The following PCDHA2 variants were observed in gnomAD, a reference collection of about 807,000 sequenced individuals.
PCDHA2 encodes protocadherin alpha-2.
In PCDHA2, 58 loss-of-function variants were observed where a neutral mutation model predicts 66.0. The observed-to-expected ratio is 0.88, with a 90% CI of 0.71 to 1.09. PCDHA2 has a LOEUF of 1.09. PCDHA2 is among the 50% of genes least tolerant of loss of function. The pLI, the probability that PCDHA2 is intolerant of heterozygous loss-of-function variation, is 0.00. For synonymous variants in PCDHA2, 634 were observed against 554.0 expected (o/e 1.14, Z -2.03); for missense variants, 1,267 against 1,242.3 (o/e 1.02, Z -0.30).
chr5:140,798,221 T>C (rs1320174072), intron 1 of PCDHA2, among the ~76,000 whole-genome samples: 2 of 152,134 alleles, frequency 1.3e-5, no homozygotes, highest in South Asian at 2.1e-4. Flanking sequence ...AACACCAGAA[T>C]TTCCAAAAGT....
intron 1 of PCDHA2, chr5:140,930,358 T>G (rs1253370170): frequency 6.6e-6 from 1 of 152,216 alleles, no homozygotes; most frequent in Non-Finnish European, 1.5e-5. Context: ...AATATTTCAA[T>G]TTATCTGTTA....
chr5:140,819,606 T>C (rs1240041247), intron 1 of PCDHA2, among the ~76,000 whole-genome samples: 1 of 152,112 alleles, frequency 6.6e-6, no homozygotes, highest in Non-Finnish European at 1.5e-5. Flanking sequence ...CTGTGGAGTC[T>C]CCCATGAAAT....
chr5:140,887,222 G>A (rs1406254180), intron 1 of PCDHA2, among the ~76,000 whole-genome samples: 1 of 151,284 alleles, frequency 6.6e-6, no homozygotes, highest in Non-Finnish European at 1.5e-5. Flanking sequence ...TCAGCCTCCC[G>A]AGTAGCTGAG....
At chr5:140,799,618 G>A (rs1022139561) in intron 1 of PCDHA2, among the ~76,000 whole-genome samples, 1 of 151,836 alleles carries the variant, frequency 6.6e-6, no homozygotes, top group Non-Finnish European at 1.5e-5. Context: ...TATCTTGCTT[G>A]AAAAAGTTAA....
intron 1 of PCDHA2, chr5:140,862,442 C>A: frequency 2.8e-6 from 1 of 361,562 alleles, no homozygotes. Flanking sequence ...CGTTGGTACT[C>A]CACAGCGCCC....
chr5:140,830,101 G>A (rs2150181157), intron 1 of PCDHA2: 1 of 1,613,650 alleles, frequency 6.2e-7, no homozygotes, highest in Admixed American at 1.7e-5. Flanking sequence ...TGTCGCTGGT[G>A]GAGAGTGGCC....
chr5:140,933,300 A>G (rs541308392), intron 1 of PCDHA2, among the ~76,000 whole-genome samples: 41 of 152,132 alleles, frequency 2.7e-4, no homozygotes, highest in African/African-American at 9.4e-4. Context: ...ATCTGGAAAT[A>G]AATATGCAAT....
chr5:140,887,950 A>G (rs1397658604), intron 1 of PCDHA2, among the ~76,000 whole-genome samples: 1 of 152,110 alleles, frequency 6.6e-6, no homozygotes, highest in Non-Finnish European at 1.5e-5. Context: ...TATCTGTATA[A>G]GATTCTTTTT....
intron 3 of PCDHA2, among the ~76,000 whole-genome samples, chr5:141,000,842 G>A (rs2097967739): frequency 1.3e-5 from 2 of 151,954 alleles, no homozygotes; most frequent in Non-Finnish European, 2.9e-5. Flanking sequence ...AGGAGATCCA[G>A]TCTGGCAGTC....
intron 1 of PCDHA2, among the ~76,000 whole-genome samples, chr5:140,921,390 T>G (rs2080194479): frequency 6.6e-6 from 1 of 152,164 alleles, no homozygotes; most frequent in Non-Finnish European, 1.5e-5. Context: ...TTGATAAACA[T>G]TCACACTAGA....
intron 1 of PCDHA2, among the ~76,000 whole-genome samples, chr5:140,932,112 T>C (rs1211067626): frequency 6.6e-6 from 1 of 151,944 alleles, no homozygotes; most frequent in African/African-American, 2.4e-5. Flanking sequence ...GTATTTCCAA[T>C]TGATAATATT....
At chr5:140,942,418 A>G (rs1554214971) in intron 1 of PCDHA2, among the ~76,000 whole-genome samples, 2 of 152,146 alleles carry the variant, frequency 1.3e-5, no homozygotes, top group South Asian at 2.1e-4. Flanking sequence ...TTAAAAAAAA[A>G]AAAGATATCT....
At chr5:140,804,919 T>C in intron 1 of PCDHA2, 1 of 976,588 alleles carries the variant, frequency 1.0e-6, no homozygotes, top group Non-Finnish European at 1.4e-6. Context: ...TTATTTCCTT[T>C]TTTGGCACTA....
intron 1 of PCDHA2, chr5:140,928,133 T>C (rs1208134482): frequency 1.2e-6 from 2 of 1,614,090 alleles, no homozygotes; most frequent in Non-Finnish European, 1.7e-6. Context: ...TACCAAGTCC[T>C]GATCACGGCC....
In PCDHA2 at chr5:140,849,637, C is replaced by T. The variant is rs1581190048; in HGVS notation, c.2388+52285C>T. 3.8e-6 allele frequency: 6 copies of T among 1,598,688 alleles called. 1 individual carries two copies. Among genetic ancestry groups the T allele is most frequent in the Non-Finnish European group, 5.1e-6 (6 of 1,167,950 alleles). On this transcript the variant is annotated intron_variant, in intron 1 of 3. Transcript: ENST00000526136. ...AGTGTGATCGACCTAGACGCAGATG[C>T]CAACGGGCAGGTTACCTGCTCCCTG...
At chr5:140,917,037 GCA>G (rs2077840325) in intron 1 of PCDHA2, among the ~76,000 whole-genome samples, 1 of 152,268 alleles carries the variant, frequency 6.6e-6, no homozygotes, top group African/African-American at 2.4e-5. Context: ...GCTGAGTCCA[GCA>G]CAGTGTTGTT....
In PCDHA2 at chr5:140,796,131, G is replaced by A. The variant is rs1581618131; in HGVS notation, c.1167G>A (p.Leu389=). Residue 389 remains leucine, a synonymous_variant, in exon 1 of 4, where the codon CTG becomes CTA. Transcript: ENST00000526136. ...SGTNGHVTCS[L]TPHVPFKLVS... ...CGAATGGACATGTCACCTGCTCCCTGACGCCCCACGTCCCTTTCAAGCTGG... is the reference window on the plus strand; with the variant it reads ...CGAATGGACATGTCACCTGCTCCCTAACGCCCCACGTCCCTTTCAAGCTGG... 6.2e-7 allele frequency: 1 copy of A among 1,614,060 alleles called. No individual in the cohort carries two copies. Among genetic ancestry groups the A allele is most frequent in the Non-Finnish European group, 8.5e-7 (1 of 1,180,040 alleles).
chr5:140,945,887 A>G (rs1291923718), intron 1 of PCDHA2, among the ~76,000 whole-genome samples: 2 of 152,132 alleles, frequency 1.3e-5, no homozygotes, highest in Admixed American at 1.3e-4. Flanking sequence ...AACAAAGAAA[A>G]CACAGTGGGA....
At chr5:141,007,227 A>G (rs1458505596) in intron 3 of PCDHA2, among the ~76,000 whole-genome samples, 1 of 151,972 alleles carries the variant, frequency 6.6e-6, no homozygotes, top group Non-Finnish European at 1.5e-5. Flanking sequence ...CAAAATAAGA[A>G]GGATTGTTGA....
Sources: gnomAD v4.1 joint callset for allele counts (sites outside exome capture counted in the v4.1 genomes callset) on GRCh38, gnomAD v4.1.1 for gene constraint, MANE v1.5 for transcripts, NCBI Gene and HGNC (gene_info 2026-07-23, HGNC 2026-07-21) for gene names.